FBXW4: variants seen among roughly 807,000 people sequenced by gnomAD.
FBXW4 encodes the protein F-box and WD repeat domain containing 4.
FBXW4 carries 40 observed loss-of-function variants against 61.8 expected under a neutral mutation model. The ratio of observed to expected loss-of-function variants is 0.65; its 90% CI spans 0.50 to 0.84. The LOEUF (loss-of-function observed/expected upper bound fraction) is 0.84. FBXW4 is among the 40% of genes least tolerant of loss of function. FBXW4 has a pLI of 0.00. For synonymous variants in FBXW4, 311 were observed against 313.8 expected (o/e 0.99, Z 0.10); for missense variants, 672 against 753.8 (o/e 0.89, Z 1.27).
chr10:101,656,392 A>T (rs1006798417), intron 5 of FBXW4, among the ~76,000 whole-genome samples: 1 of 152,224 alleles, frequency 6.6e-6, no homozygotes, highest in South Asian at 2.1e-4. Context: ...CGAGAGAGGA[A>T]AAAGGCCTGG....
At chr10:101,677,256 G>C (rs144041573) in intron 1 of FBXW4, among the ~76,000 whole-genome samples, 101 of 152,248 alleles carry the variant, frequency 6.6e-4, no homozygotes, top group African/African-American at 2.4e-3. Flanking sequence ...ATAGCCAAAA[G>C]TGGTAAACAG....
intron 1 of FBXW4, among the ~76,000 whole-genome samples, chr10:101,690,190 C>T (rs774221255): frequency 8.5e-5 from 13 of 152,146 alleles, no homozygotes; most frequent in Non-Finnish European, 1.5e-4. Flanking sequence ...TTGCAGATAG[C>T]GCTCCTGTTC....
chr10:101,655,756 C>T lies in FBXW4; in HGVS notation c.1235+12130G>A, dbSNP rs578098920. On this transcript the variant is annotated intron_variant, in intron 5 of 8. Transcript: ENST00000331272. Reference sequence around the variant, plus strand: ...GAGACAGTGAGTCTCGTGCTCTGGACTGGACCCTCTCCAGCCCGGAAGGGC... The same window carrying T: ...GAGACAGTGAGTCTCGTGCTCTGGATTGGACCCTCTCCAGCCCGGAAGGGC... Among the ~76,000 whole-genome samples, 220 of 152,358 alleles carry T rather than the reference C, an allele frequency of 1.4e-3. 1 individual carries two copies. The highest frequency in any genetic ancestry group is 5.1e-3 in the African/African-American group (213 of 41,586).
intron 5 of FBXW4, among the ~76,000 whole-genome samples, chr10:101,653,721 G>A (rs2064162388): frequency 6.6e-6 from 1 of 152,124 alleles, no homozygotes. Context: ...TACATGCATT[G>A]TTTCCGCAAT....
At chr10:101,622,381 G>T (rs2063873306) in intron 6 of FBXW4, among the ~76,000 whole-genome samples, 1 of 152,166 alleles carries the variant, frequency 6.6e-6, no homozygotes, top group Non-Finnish European at 1.5e-5. Flanking sequence ...CAATAATTTA[G>T]ATTCCATCAA....
chr10:101,635,636 A>C (rs975095735), intron 5 of FBXW4, among the ~76,000 whole-genome samples: 5 of 152,100 alleles, frequency 3.3e-5, no homozygotes, highest in African/African-American at 1.2e-4. Flanking sequence ...GGAGTTCAAG[A>C]CAAGCCTGGG....
chr10:101,683,938 T>C (rs2064505040), intron 1 of FBXW4, among the ~76,000 whole-genome samples: 1 of 152,198 alleles, frequency 6.6e-6, no homozygotes, highest in South Asian at 2.1e-4. Flanking sequence ...CACAAAATGC[T>C]TGGGGCTTGG....
intron 5 of FBXW4, 89 bp downstream of exon 5, chr10:101,667,797 C>G (rs188481691): frequency 2.5e-6 from 3 of 1,200,662 alleles, no homozygotes; most frequent in East Asian, 4.7e-5. Flanking sequence ...CTAGAATACA[C>G]AACAGGAAGA....
chr10:101,652,066 TTC>T (rs762563151), intron 5 of FBXW4, among the ~76,000 whole-genome samples: 2 of 151,640 alleles, frequency 1.3e-5, no homozygotes, highest in African/African-American at 2.4e-5. Flanking sequence ...TCAATAAAAT[TTC>T]TCTCTCTGAT....
intron 5 of FBXW4, 84 bp downstream of exon 5, chr10:101,667,802 G>T: frequency 8.1e-7 from 1 of 1,228,800 alleles, no homozygotes; most frequent in South Asian, 1.2e-5. Context: ...ATACACAACA[G>T]GAAGATTTTC....
rs1276337926 is a variant in FBXW4, at chr10:101,612,406, G to A, written c.1373C>T (p.Ser458Phe). Residue 458 changes from serine (S) to phenylalanine (F), a missense_variant, in exon 7 of 9, where the codon TCC becomes TTC. Coordinates refer to ENST00000331272, the MANE Select transcript of FBXW4 (RefSeq NM_022039.4). ...GAGVLDVMYESPFTLLSCGYD... is the reference protein window; with the variant it reads ...GAGVLDVMYEFPFTLLSCGYD... The stretch of plus-strand genomic sequence containing the variant: ...GCCACAGGACAGCAGTGTGAAAGGG[G>A]ACTCATACATGACATCCAGCACCCC... 10 of 1,600,472 alleles carry A rather than the reference G, an allele frequency of 6.2e-6. No individual in the cohort carries two copies. The highest frequency in any genetic ancestry group is 1.3e-5 in the African/African-American group (1 of 74,844).
At position 101,611,236 on chromosome 10, in the gene FBXW4, A is replaced by C. The variant is rs2063778800; in HGVS notation, c.*55T>G. On this transcript the variant is annotated 3_prime_UTR_variant, in exon 9 of 9. Transcript: ENST00000331272. The surrounding 1 kb of genome is among the most constrained non-coding windows in gnomAD (Gnocchi z 4.9). ...GCTATCACTGCACCCTCCAGGCAAG[A>C]GAAGTCCCTGAGTAGCTGGTTTCCC... 2 of 1,591,186 alleles carry C rather than the reference A, an allele frequency of 1.3e-6. No homozygotes were observed. The highest frequency in any genetic ancestry group is 2.3e-5 in the South Asian group (2 of 86,080).
At chr10:101,680,543 A>G (rs1362618378) in intron 1 of FBXW4, among the ~76,000 whole-genome samples, 2 of 152,206 alleles carry the variant, frequency 1.3e-5, no homozygotes, top group Non-Finnish European at 2.9e-5. Flanking sequence ...CCAACAGAGG[A>G]TAAGGACAGT....
At chr10:101,646,130 TG>T (rs2064093941) in intron 5 of FBXW4, among the ~76,000 whole-genome samples, 1 of 152,184 alleles carries the variant, frequency 6.6e-6, no homozygotes, top group Admixed American at 6.5e-5. Flanking sequence ...ATCAAGGAAA[TG>T]GCCTAGTAAA....
At chr10:101,654,562 A>G (rs1243128040) in intron 5 of FBXW4, among the ~76,000 whole-genome samples, 1 of 152,190 alleles carries the variant, frequency 6.6e-6, no homozygotes, top group Non-Finnish European at 1.5e-5. Flanking sequence ...GACCATTATA[A>G]AAAATTTAAA....
intron 5 of FBXW4, among the ~76,000 whole-genome samples, chr10:101,630,438 T>G (rs896267226): frequency 4.6e-5 from 7 of 152,022 alleles, no homozygotes; most frequent in Admixed American, 1.3e-4. Context: ...CTTAAATACC[T>G]CAAGGAAACC....
intron 5 of FBXW4, among the ~76,000 whole-genome samples, chr10:101,638,237 G>A (rs1456307760): frequency 6.6e-6 from 1 of 152,206 alleles, no homozygotes; most frequent in Non-Finnish European, 1.5e-5. Flanking sequence ...GTTACAAACT[G>A]TGGTTTGTAA....
Position 101,667,969 on chromosome 10 carries a change from CA to C in FBXW4, c.1151del (p.Leu384TrpfsTer32). The C allele has an allele frequency of 6.2e-7, 1 of 1,614,016 alleles. No homozygotes were observed. Among genetic ancestry groups the C allele is most frequent in the Non-Finnish European group, 8.5e-7 (1 of 1,179,832 alleles). On this transcript the variant is annotated frameshift_variant, in exon 5 of 9. Transcript: ENST00000331272. LOFTEE classifies it high-confidence loss of function. Reference protein sequence around the residue: ...SRDRTAKVWPLASGRLGQCLH... With the variant: ...SRDRTAKVWPXASGRLGQCLH... ...AGCACTGCCCCAGCCGGCCTGAGGCCAAAGGCCACACCTAGAAACAGGAGAG... is the reference window on the plus strand; with the variant it reads ...AGCACTGCCCCAGCCGGCCTGAGGCCAAGGCCACACCTAGAAACAGGAGAG...
chr10:101,685,488 A>T (rs1359229581), intron 1 of FBXW4, among the ~76,000 whole-genome samples: 1 of 152,228 alleles, frequency 6.6e-6, no homozygotes, highest in Non-Finnish European at 1.5e-5. Flanking sequence ...ATCAGACACT[A>T]AGCCAAAATA....
Sources: gnomAD v4.1 joint callset for allele counts (sites outside exome capture counted in the v4.1 genomes callset) on GRCh38, gnomAD v4.1.1 for gene constraint, Gnocchi (gnomAD v3.1) non-coding constraint, MANE v1.5 for transcripts, NCBI Gene and HGNC (gene_info 2026-07-23, HGNC 2026-07-21) for gene names.